Variants in PCDHGA12 observed in about 807,000 individuals in gnomAD.
PCDHGA12 encodes the protein protocadherin gamma subfamily A, 12.
In PCDHGA12, 43 loss-of-function variants were observed where a neutral mutation model predicts 61.1. The ratio of observed to expected loss-of-function variants is 0.70; its 90% CI spans 0.55 to 0.91. The LOEUF (loss-of-function observed/expected upper bound fraction) is 0.91. Among genes scored for constraint, PCDHGA12 ranks in the 40% least tolerant of loss-of-function variants. The pLI is 0.00. For synonymous variants in PCDHGA12, 520 were observed against 542.9 expected (o/e 0.96, Z 0.59); for missense variants, 1,236 against 1,227.7 (o/e 1.01, Z -0.10).
At chr5:141,458,984 C>T (rs2098958355) in intron 1 of PCDHGA12, among the ~76,000 whole-genome samples, 1 of 152,204 alleles carries the variant, frequency 6.6e-6, no homozygotes, top group Non-Finnish European at 1.5e-5. Context: ...CCTCCTGCCT[C>T]ACCCTCCCAA....
Position 141,477,685 on chromosome 5 carries a change from G to A in PCDHGA12, c.2425-17122G>A, listed in dbSNP as rs1218415502. ...ACAATGGCATAGTGTCATCCTTAGT[G>A]CCCCTAGACTATGAGGATCGGCGGG... On this transcript the variant is annotated intron_variant, in intron 1 of 3. Transcript: ENST00000252085. This position sits in a 1 kb window ranked among gnomAD's most constrained non-coding sequence, Gnocchi z 4.9. The A allele has an allele frequency of 6.2e-7, 1 of 1,614,116 alleles. No individual in the cohort carries two copies. The highest frequency in any genetic ancestry group is 8.5e-7 in the Non-Finnish European group (1 of 1,180,040).
chr5:141,452,088 AAG>A (rs1200732162), intron 1 of PCDHGA12, among the ~76,000 whole-genome samples: 2 of 152,206 alleles, frequency 1.3e-5, no homozygotes, highest in African/African-American at 4.8e-5. Flanking sequence ...ATTATACAGT[AAG>A]AAAGAGCTTT....
chr5:141,509,144 G>A (rs969990007), intron 3 of PCDHGA12, among the ~76,000 whole-genome samples: 1 of 152,114 alleles, frequency 6.6e-6, no homozygotes, highest in African/African-American at 2.4e-5. Context: ...GGCGCATCCC[G>A]GCTCTCCCCT....
intron 2 of PCDHGA12, among the ~76,000 whole-genome samples, chr5:141,495,758 C>T (rs2099763543): frequency 6.6e-6 from 1 of 152,122 alleles, no homozygotes; most frequent in Non-Finnish European, 1.5e-5. Flanking sequence ...ATCTCTGCCT[C>T]CCTGTCCTTG....
Position 141,486,288 on chromosome 5 carries a change from T to C in PCDHGA12, c.2425-8519T>C. 5 of 1,613,996 alleles carry C rather than the reference T, an allele frequency of 3.1e-6. No individual in the cohort carries two copies. The highest frequency in any genetic ancestry group is 4.2e-6 in the Non-Finnish European group (5 of 1,179,986). ...GAACCTGGCACTGTGGTGGCACTTA[T>C]CAGTGTGCAGGATCCAGACTCAGGG... On this transcript the variant is annotated intron_variant, in intron 1 of 3. Coordinates refer to ENST00000252085, the MANE Select transcript of PCDHGA12 (RefSeq NM_003735.3). The surrounding 1 kb of genome is among the most constrained non-coding windows in gnomAD (Gnocchi z 5.0).
chr5:141,477,087 C>A lies in PCDHGA12; in HGVS notation c.2425-17720C>A, dbSNP rs748424193. 14 of 1,614,244 alleles carry A rather than the reference C, an allele frequency of 8.7e-6. No individual in the cohort carries two copies. Among genetic ancestry groups the A allele is most frequent in the Non-Finnish European group, 8.5e-7 (1 of 1,180,048 alleles). On this transcript the variant is annotated intron_variant, in intron 1 of 3. Transcript: ENST00000252085. This position sits in a 1 kb window ranked among gnomAD's most constrained non-coding sequence, Gnocchi z 4.9. ...AAACTCCATGAGATTTACATCCAGG[C>A]CAAAGACAAGGGCGCCAATCCCGAA...
rs1388608588 is a variant in PCDHGA12 at position 141,481,102 on chromosome 5, A to T, written c.2425-13705A>T. The stretch of plus-strand genomic sequence containing the variant: ...GAAAAAAGAAAAGCAGTACTCTGGA[A>T]CCTACCAATCCATCATTTAGCATAT... On this transcript the variant is annotated intron_variant, in intron 1 of 3. Transcript: ENST00000252085. 3.3e-5 allele frequency among the ~76,000 whole-genome samples: 5 copies of T among 152,288 alleles called. No individual in the cohort carries two copies. The East Asian group carries it at 7.7e-4, about 24-fold the overall frequency.
In PCDHGA12 at chr5:141,430,816, C is replaced by G; in HGVS notation, c.57C>G (p.Leu19=). The G allele has an allele frequency of 6.5e-7, 1 of 1,538,128 alleles. No homozygotes were observed. ...AAGGGCTTGTCCTGCTGGGAATCCT[C>G]CTGGGGACTCTGTGGGAGACCGGAT... is the stretch of plus-strand genomic sequence containing the variant. ...DYKGLVLLGI[L]LGTLWETGCT... Residue 19 remains leucine, a synonymous_variant, in exon 1 of 4, where the codon CTC becomes CTG. Coordinates refer to ENST00000252085, the MANE Select transcript of PCDHGA12 (RefSeq NM_003735.3).
Position 141,490,896 on chromosome 5 carries a change from G to A in PCDHGA12, c.2425-3911G>A. 6.2e-7 allele frequency: 1 copy of A among 1,613,938 alleles called. No homozygotes were observed. Among genetic ancestry groups the A allele is most frequent in the Non-Finnish European group, 8.5e-7 (1 of 1,179,922 alleles). ...TGCATGCCAACACATCTCTGCATGTGTTTGTCCTAGACGAGAATGATAATG... is the reference window on the plus strand; with the variant it reads ...TGCATGCCAACACATCTCTGCATGTATTTGTCCTAGACGAGAATGATAATG... On this transcript the variant is annotated intron_variant, in intron 1 of 3. Coordinates refer to ENST00000252085, the MANE Select transcript of PCDHGA12 (RefSeq NM_003735.3). This position sits in a 1 kb window ranked among gnomAD's most constrained non-coding sequence, Gnocchi z 5.4.
intron 2 of PCDHGA12, among the ~76,000 whole-genome samples, chr5:141,496,639 C>A (rs752903356): frequency 6.6e-6 from 1 of 152,222 alleles, no homozygotes; most frequent in Non-Finnish European, 1.5e-5. Flanking sequence ...TTGGGCTGCC[C>A]TTGCCCTTCC....
chr5:141,485,247 G>T lies in PCDHGA12; in HGVS notation c.2425-9560G>T. On this transcript the variant is annotated intron_variant, in intron 1 of 3. Coordinates refer to ENST00000252085, the MANE Select transcript of PCDHGA12 (RefSeq NM_003735.3). The surrounding 1 kb of genome is among the most constrained non-coding windows in gnomAD (Gnocchi z 5.7). ...CTTTTGTTCCTCTTTTACCACCTGG[G>T]TTACGTTTGTGGGCAGATCCGCTAC... The T allele has an allele frequency of 2.5e-6, 4 of 1,614,156 alleles. No individual in the cohort carries two copies. The highest frequency in any genetic ancestry group is 3.4e-6 in the Non-Finnish European group (4 of 1,180,010).
chr5:141,492,948 CA>C (rs2099745260), intron 1 of PCDHGA12, among the ~76,000 whole-genome samples: 1 of 152,188 alleles, frequency 6.6e-6, no homozygotes, highest in Non-Finnish European at 1.5e-5. Flanking sequence ...TGGAGGTGAC[CA>C]AACTATCTGA....
chr5:141,489,558 G>A lies in PCDHGA12; in HGVS notation c.2425-5249G>A. On this transcript the variant is annotated intron_variant, in intron 1 of 3. Coordinates refer to ENST00000252085, the MANE Select transcript of PCDHGA12 (RefSeq NM_003735.3). The surrounding 1 kb of genome is among the most constrained non-coding windows in gnomAD (Gnocchi z 4.5). ...CCAGCACCAGCTGCCTGCTGCCAGT[G>A]CAGGTGGTGACTGAACACCCCCTGG... 1 of 1,614,130 alleles carries A rather than the reference G, an allele frequency of 6.2e-7. No individual in the cohort carries two copies. Among genetic ancestry groups the A allele is most frequent in the Non-Finnish European group, 8.5e-7 (1 of 1,180,024 alleles).
rs905837179 is a variant in PCDHGA12 at position 141,478,541 on chromosome 5, G to A, written c.2425-16266G>A. ...GTTGGGTGCAGAGAGCGCCCCTCCCGGACAGGTAAGGTTTAGCAAGTCATG... is the reference window on the plus strand; with the variant it reads ...GTTGGGTGCAGAGAGCGCCCCTCCCAGACAGGTAAGGTTTAGCAAGTCATG... On this transcript the variant is annotated intron_variant, in intron 1 of 3. Coordinates refer to ENST00000252085, the MANE Select transcript of PCDHGA12 (RefSeq NM_003735.3). 4 of 1,605,470 alleles carry A rather than the reference G, an allele frequency of 2.5e-6. No homozygotes were observed. The Admixed American group carries it at 5.2e-5, about 21-fold the overall frequency.
chr5:141,458,104 A>G (rs969775517), intron 1 of PCDHGA12, among the ~76,000 whole-genome samples: 6 of 152,232 alleles, frequency 3.9e-5, no homozygotes, highest in Non-Finnish European at 8.8e-5. Flanking sequence ...ACTTACAGAT[A>G]GTCTCCAAAT....
intron 1 of PCDHGA12, among the ~76,000 whole-genome samples, chr5:141,465,888 C>T (rs1031908926): frequency 5.3e-5 from 8 of 151,942 alleles, no homozygotes; most frequent in South Asian, 2.1e-4. Context: ...TTTGGGAGGC[C>T]GAGGCGGGCA....
At chr5:141,482,074 A>G (rs1349748840) in intron 1 of PCDHGA12, among the ~76,000 whole-genome samples, 2 of 142,830 alleles carry the variant, frequency 1.4e-5, no homozygotes, top group Non-Finnish European at 3.0e-5. Context: ...AACAAGAACA[A>G]AACTCACTCC....
intron 1 of PCDHGA12, among the ~76,000 whole-genome samples, chr5:141,459,348 C>G (rs1015330513): frequency 2.6e-5 from 4 of 152,194 alleles, no homozygotes; most frequent in Admixed American, 2.0e-4. Context: ...TCTTGAAATT[C>G]ATTCATGTTC....
intron 3 of PCDHGA12, 94 bp downstream of exon 3, chr5:141,505,575 C>T: frequency 6.3e-7 from 1 of 1,592,302 alleles, no homozygotes. Context: ...GATGTCAAAC[C>T]TGTGTAGTTT....
Sources: allele counts gnomAD v4.1 joint callset (sites outside exome capture counted in the v4.1 genomes callset), GRCh38; gene constraint gnomAD v4.1.1; non-coding constraint Gnocchi (gnomAD v3.1); transcripts MANE v1.5; gene names NCBI Gene and HGNC (gene_info 2026-07-23, HGNC 2026-07-21).